The following NKAIN2 variants were observed in gnomAD, a reference collection of about 807,000 sequenced individuals.
NKAIN2 encodes the protein sodium/potassium-transporting ATPase subunit beta-1-interacting protein 2.
In NKAIN2, 14 loss-of-function variants were observed where a neutral mutation model predicts 32.6. That is an observed-to-expected ratio of 0.43 (90% CI 0.28 to 0.67). NKAIN2 has a LOEUF of 0.67. NKAIN2 is among the 30% of genes least tolerant of loss of function. NKAIN2 has a pLI of 0.17. For missense variants in NKAIN2, 198 were observed against 258.3 expected (o/e 0.77, Z 1.60); for synonymous variants, 80 against 87.2 (o/e 0.92, Z 0.46).
At chr6:123,851,370 C>A (rs1445110011) in intron 1 of NKAIN2, among the ~76,000 whole-genome samples, 1 of 116,282 alleles carries the variant, frequency 8.6e-6, no homozygotes, top group Non-Finnish European at 2.0e-5. Flanking sequence ...CTGCCTCAGC[C>A]TCCTGAGTAG....
intron 1 of NKAIN2, among the ~76,000 whole-genome samples, chr6:123,982,335 G>A (rs1199151715): frequency 6.6e-6 from 1 of 152,164 alleles, no homozygotes; most frequent in African/African-American, 2.4e-5. Context: ...AGAGGGCAAG[G>A]CTTCTTAATT....
intron 5 of NKAIN2, among the ~76,000 whole-genome samples, chr6:124,803,097 C>T (rs1780341548): frequency 6.6e-6 from 1 of 152,148 alleles, no homozygotes; most frequent in African/African-American, 2.4e-5. Flanking sequence ...CCTGCTCAAC[C>T]ATGCTTCATT....
At position 124,388,130 on chromosome 6, in the gene NKAIN2, A is replaced by G. The variant is rs376351563; in HGVS notation, c.273+32783A>G. On this transcript the variant is annotated intron_variant, in intron 3 of 6. Transcript: ENST00000368417. ...GGTTCAGAGATTCTGCTCTGGTTCA[A>G]TACCCTAGATCTAGACTACTTCCAC... 6.3e-4 allele frequency among the ~76,000 whole-genome samples: 96 copies of G among 152,140 alleles called. 2 individuals carry two copies. In the South Asian group the frequency reaches 0.019, roughly 30 times the overall value.
chr6:123,914,243 GAGAGAC>G (rs1006064144), intron 1 of NKAIN2, among the ~76,000 whole-genome samples: 20 of 151,982 alleles, frequency 1.3e-4, no homozygotes, highest in African/African-American at 4.3e-4. Context: ...CAGACAGACA[GAGAGAC>G]AGAGACAGAG....
intron 3 of NKAIN2, among the ~76,000 whole-genome samples, chr6:124,411,262 G>T (rs1189031426): frequency 6.6e-6 from 1 of 152,086 alleles, no homozygotes; most frequent in African/African-American, 2.4e-5. Flanking sequence ...AGTTGATGCA[G>T]TTTCTTCCTA....
chr6:124,516,074 C>A (rs547623820), intron 3 of NKAIN2, among the ~76,000 whole-genome samples: 2 of 152,070 alleles, frequency 1.3e-5, no homozygotes, highest in Admixed American at 1.3e-4. Context: ...AGGTACATCA[C>A]GGAGCAAAAC....
At chr6:124,298,524 C>T (rs1562478515) in intron 2 of NKAIN2, among the ~76,000 whole-genome samples, 1 of 152,122 alleles carries the variant, frequency 6.6e-6, no homozygotes, top group Non-Finnish European at 1.5e-5. Context: ...CCATTGTTCA[C>T]TATTTCCATA....
At chr6:124,363,848 A>C (rs1799400378) in intron 3 of NKAIN2, among the ~76,000 whole-genome samples, 1 of 152,212 alleles carries the variant, frequency 6.6e-6, no homozygotes. Flanking sequence ...GACATCAGGC[A>C]ATTGAAAATT....
chr6:124,226,222 C>T (rs950000462), intron 1 of NKAIN2, among the ~76,000 whole-genome samples: 3 of 151,684 alleles, frequency 2.0e-5, no homozygotes, highest in South Asian at 2.1e-4. Flanking sequence ...TATGTGAGCT[C>T]GATAGTTGAC....
chr6:124,342,408 CAAA>C (rs1179071490), intron 2 of NKAIN2, among the ~76,000 whole-genome samples: 1 of 84,538 alleles, frequency 1.2e-5, no homozygotes, highest in Non-Finnish European at 2.5e-5. Context: ...GACTCCATCT[CAAA>C]AAAAAAAAAA....
intron 3 of NKAIN2, among the ~76,000 whole-genome samples, chr6:124,630,269 A>C (rs1783513139): frequency 6.6e-6 from 1 of 152,140 alleles, no homozygotes; most frequent in South Asian, 2.1e-4. Flanking sequence ...CAATAATACT[A>C]ATGTCCTCAG....
intron 2 of NKAIN2, among the ~76,000 whole-genome samples, chr6:124,330,827 G>A (rs1022148704): frequency 1.3e-5 from 2 of 152,124 alleles, no homozygotes; most frequent in Non-Finnish European, 2.9e-5. Context: ...TCTGCCTCCT[G>A]TCAGATCAGC....
intron 3 of NKAIN2, among the ~76,000 whole-genome samples, chr6:124,522,755 A>G (rs1476194115): frequency 6.6e-6 from 1 of 152,210 alleles, no homozygotes; most frequent in Middle Eastern, 3.2e-3. Flanking sequence ...TTCCACTTAA[A>G]TCAAGATGGA....
At chr6:123,818,583 C>A (rs1443371719) in intron 1 of NKAIN2, among the ~76,000 whole-genome samples, 1 of 152,088 alleles carries the variant, frequency 6.6e-6, no homozygotes, top group Non-Finnish European at 1.5e-5. Flanking sequence ...TTTAAATTAT[C>A]CTGCTGTATA....
At chr6:124,586,411 A>G (rs1033024575) in intron 3 of NKAIN2, among the ~76,000 whole-genome samples, 2 of 152,114 alleles carry the variant, frequency 1.3e-5, no homozygotes, top group African/African-American at 4.8e-5. Flanking sequence ...ACACAGACAC[A>G]AAAGAACAAT....
intron 2 of NKAIN2, among the ~76,000 whole-genome samples, chr6:124,306,578 C>A (rs1796512626): frequency 2.0e-5 from 3 of 152,084 alleles, no homozygotes; most frequent in Admixed American, 2.0e-4. Context: ...CAGCAAGCTG[C>A]CTTTGAAGTT....
intron 1 of NKAIN2, among the ~76,000 whole-genome samples, chr6:124,233,327 T>C (rs1180391142): frequency 2.0e-5 from 3 of 152,218 alleles, no homozygotes; most frequent in Admixed American, 2.0e-4. Context: ...TGCACTAGCA[T>C]TGAAATGCAA....
At chr6:124,301,568 G>C (rs112998054) in intron 2 of NKAIN2, among the ~76,000 whole-genome samples, 3 of 152,152 alleles carry the variant, frequency 2.0e-5, no homozygotes, top group African/African-American at 4.8e-5. Context: ...CCCTGAAAGC[G>C]GCTAGGAGGG....
intron 1 of NKAIN2, among the ~76,000 whole-genome samples, chr6:123,806,087 A>G (rs1173618966): frequency 6.6e-6 from 1 of 152,158 alleles, no homozygotes; most frequent in Non-Finnish European, 1.5e-5. Context: ...ATGTGCTCAC[A>G]TATGTGTGTA....
Sources: gnomAD v4.1 joint callset for allele counts (sites outside exome capture counted in the v4.1 genomes callset) on GRCh38, gnomAD v4.1.1 for gene constraint, MANE v1.5 for transcripts, NCBI Gene and HGNC (gene_info 2026-07-23, HGNC 2026-07-21) for gene names.